The following RGL1 variants were observed in gnomAD, a reference collection of about 807,000 sequenced individuals.
RGL1 encodes ral guanine nucleotide dissociation stimulator like 1, also known as ral guanine nucleotide dissociation stimulator-like 1.
Under a neutral mutation model 95.2 loss-of-function variants are expected in RGL1, and 24 were observed. The observed-to-expected ratio is 0.25, with a 90% CI of 0.18 to 0.35. RGL1 has a LOEUF of 0.35. RGL1 is among the 10% of genes least tolerant of loss of function. The pLI, the probability that RGL1 is intolerant of heterozygous loss-of-function variation, is 1.00. For missense variants in RGL1, 715 were observed against 936.3 expected (o/e 0.76, Z 3.08); for synonymous variants, 329 against 344.9 (o/e 0.95, Z 0.51).
rs1244694865 is a variant in RGL1 at position 183,841,061 on chromosome 1, T to C, written c.139-6505T>C. On this transcript the variant is annotated intron_variant, in intron 2 of 17. Coordinates refer to ENST00000360851, the MANE Select transcript of RGL1 (RefSeq NM_001297671.3). ...TAATGGTTTCTTTGTGTCTGTTTCC[T>C]TCACCAGACTGAACAACTTGGTTGC... is the stretch of plus-strand genomic sequence containing the variant. 2.0e-5 allele frequency among the ~76,000 whole-genome samples: 3 copies of C among 152,234 alleles called. No individual in the cohort carries two copies. The East Asian group carries it at 5.8e-4, about 29-fold the overall frequency.
intron 1 of RGL1, among the ~76,000 whole-genome samples, chr1:183,641,866 T>C (rs1361596400): frequency 6.6e-6 from 1 of 152,232 alleles, no homozygotes; most frequent in Non-Finnish European, 1.5e-5. Flanking sequence ...TCTTCTTGAA[T>C]CAATTTTAGA....
chr1:183,661,256 A>G (rs1447450243), intron 1 of RGL1, among the ~76,000 whole-genome samples: 3 of 152,226 alleles, frequency 2.0e-5, no homozygotes, highest in Non-Finnish European at 4.4e-5. Flanking sequence ...TCAAAAAATT[A>G]ATGAATCCAG....
rs370727281 is a variant in RGL1 at position 183,892,044 on chromosome 1, C to G, written c.1056-33C>G. 179 of 1,544,448 alleles carry G rather than the reference C, an allele frequency of 1.2e-4. 1 individual carries two copies. The highest frequency in any genetic ancestry group is 1.5e-4 in the Non-Finnish European group (163 of 1,119,930). ...AAGTGTCGGGTTATTCCTAACTCTT[C>G]ATTGTTAATATTTTCTTAATCCCTT... On this transcript the variant is annotated intron_variant, in intron 8 of 17. Transcript: ENST00000360851.
intron 1 of RGL1, among the ~76,000 whole-genome samples, chr1:183,688,883 T>G (rs1319119130): frequency 6.6e-6 from 1 of 152,178 alleles, no homozygotes; most frequent in Non-Finnish European, 1.5e-5. Context: ...GTAAAAATGA[T>G]TCCATAGTTG....
chr1:183,700,929 C>T (rs544323649), intron 1 of RGL1, among the ~76,000 whole-genome samples: 21 of 152,210 alleles, frequency 1.4e-4, no homozygotes, highest in Admixed American at 9.8e-4. Flanking sequence ...TGACAGGCCC[C>T]GGTGTGTGAT....
intron 3 of RGL1, among the ~76,000 whole-genome samples, chr1:183,856,316 C>CAT (rs77235485): frequency 4.0e-4 from 61 of 151,134 alleles, no homozygotes; most frequent in East Asian, 1.4e-3. Flanking sequence ...TATAACAGAA[C>CAT]ATATATATAT....
At chr1:183,829,503 C>A (rs1203291819) in intron 2 of RGL1, among the ~76,000 whole-genome samples, 1 of 151,042 alleles carries the variant, frequency 6.6e-6, no homozygotes, top group African/African-American at 2.4e-5. Context: ...ATCACTGTTG[C>A]TTTCTCCAGT....
At chr1:183,648,775 G>T in intron 1 of RGL1, 1 of 1,588,366 alleles carries the variant, frequency 6.3e-7, no homozygotes, top group Non-Finnish European at 8.6e-7. Context: ...TCATATATGG[G>T]CTCCATTGCT....
Position 183,912,249 on chromosome 1 carries a change from CT to C in RGL1, c.1731del (p.Asp578MetfsTer30). 4 of 1,613,886 alleles carry C rather than the reference CT, an allele frequency of 2.5e-6. 1 individual carries two copies. The highest frequency in any genetic ancestry group is 3.3e-4 in the Middle Eastern group (2 of 6,056). On this transcript the variant is annotated frameshift_variant, in exon 15 of 18. Coordinates refer to ENST00000360851, the MANE Select transcript of RGL1 (RefSeq NM_001297671.3). LOFTEE classifies it high-confidence loss of function. ...GGCTCCATTACTCCCATGGACACCCCTGATGAGCCTCAAAAAAAGGTATATA... is the reference window on the plus strand; with the variant it reads ...GGCTCCATTACTCCCATGGACACCCCGATGAGCCTCAAAAAAAGGTATATA... ...EEGSITPMDT[P>X]DEPQKKLSES... is the part of the protein sequence containing the mutation.
intron 1 of RGL1, chr1:183,647,258 C>G (rs972628412): frequency 3.2e-5 from 5 of 155,456 alleles, no homozygotes; most frequent in African/African-American, 9.6e-5. Flanking sequence ...CTCCTGCAAA[C>G]AGCACTTAAT....
chr1:183,879,553 C>A (rs1054425856), intron 4 of RGL1, among the ~76,000 whole-genome samples: 4 of 152,152 alleles, frequency 2.6e-5, no homozygotes, highest in African/African-American at 9.7e-5. Flanking sequence ...GGTGTTGTGT[C>A]TCTGTCAATA....
intron 1 of RGL1, among the ~76,000 whole-genome samples, chr1:183,734,000 T>C (rs2102236593): frequency 6.6e-6 from 1 of 152,364 alleles, no homozygotes; most frequent in African/African-American, 2.4e-5. Flanking sequence ...TCCATTTTCC[T>C]CTGGCTTAGT....
chr1:183,708,497 C>T (rs919353007), intron 1 of RGL1, among the ~76,000 whole-genome samples: 4 of 152,162 alleles, frequency 2.6e-5, no homozygotes, highest in Non-Finnish European at 5.9e-5. Context: ...TCTCTTCCAC[C>T]CTCACCCCAG....
intron 1 of RGL1, among the ~76,000 whole-genome samples, chr1:183,704,278 T>G (rs1654769053): frequency 6.6e-6 from 1 of 152,102 alleles, no homozygotes; most frequent in African/African-American, 2.4e-5. Context: ...ACAGGAGTGT[T>G]TTTTGCAGTT....
At chr1:183,818,673 C>T (rs1662247768) in intron 2 of RGL1, among the ~76,000 whole-genome samples, 1 of 152,180 alleles carries the variant, frequency 6.6e-6, no homozygotes, top group Non-Finnish European at 1.5e-5. Flanking sequence ...ATCATATTCC[C>T]GTAACCTGGG....
intron 2 of RGL1, among the ~76,000 whole-genome samples, chr1:183,836,569 T>G (rs1572480476): frequency 6.6e-6 from 1 of 152,210 alleles, no homozygotes; most frequent in South Asian, 2.1e-4. Flanking sequence ...CGCCCAGCCT[T>G]CAGTGTATGT....
At chr1:183,712,492 A>G (rs1655343654) in intron 1 of RGL1, among the ~76,000 whole-genome samples, 1 of 152,172 alleles carries the variant, frequency 6.6e-6, no homozygotes, top group Admixed American at 6.5e-5. Flanking sequence ...TGAGAGAGAG[A>G]GAGAGTGTGT....
chr1:183,846,228 T>A (rs903160224), intron 2 of RGL1, among the ~76,000 whole-genome samples: 2 of 152,002 alleles, frequency 1.3e-5, no homozygotes, highest in African/African-American at 4.8e-5. Context: ...AAAGGATGAG[T>A]TCATGTCCTT....
chr1:183,852,856 A>T (rs1454875920), intron 3 of RGL1, among the ~76,000 whole-genome samples: 1 of 152,196 alleles, frequency 6.6e-6, no homozygotes, highest in Non-Finnish European at 1.5e-5. Context: ...AGGGTGTTAG[A>T]TACTACTGAA....
Sources: gnomAD v4.1 joint callset for allele counts (sites outside exome capture counted in the v4.1 genomes callset) on GRCh38, gnomAD v4.1.1 for gene constraint, MANE v1.5 for transcripts, NCBI Gene and HGNC (gene_info 2026-07-23, HGNC 2026-07-21) for gene names.